CSNK1G3: variants seen among roughly 807,000 people sequenced by gnomAD.
CSNK1G3 encodes the protein casein kinase 1 gamma 3.
A neutral mutation model predicts 64.3 loss-of-function variants in CSNK1G3; 23 were observed. The observed-to-expected ratio is 0.36, with a 90% CI of 0.26 to 0.51. The LOEUF is 0.51. Ranked by LOEUF, CSNK1G3 falls within the 20% of genes least tolerant of loss-of-function variation. The probability of loss-of-function intolerance (pLI) is 0.96; values close to 1 mark genes in which losing one functional copy is unlikely to be tolerated. For missense variants in CSNK1G3, 357 were observed against 510.5 expected (o/e 0.70, Z 2.90); for synonymous variants, 158 against 162.2 (o/e 0.97, Z 0.20).
chr5:123,613,008 C>T (rs760716903), intron 12 of CSNK1G3, among the ~76,000 whole-genome samples: 2 of 152,034 alleles, frequency 1.3e-5, no homozygotes, highest in Non-Finnish European at 2.9e-5. Flanking sequence ...GTAAATTCAA[C>T]CTTAGGAAGG....
intron 1 of CSNK1G3, among the ~76,000 whole-genome samples, chr5:123,515,756 CCT>C: frequency 6.6e-6 from 1 of 151,956 alleles, no homozygotes; most frequent in East Asian, 1.9e-4. Flanking sequence ...TAATTATTCC[CCT>C]CTTAGTATTC....
intron 1 of CSNK1G3, among the ~76,000 whole-genome samples, chr5:123,544,870 A>G (rs1257377373): frequency 6.6e-6 from 1 of 152,148 alleles, no homozygotes; most frequent in Non-Finnish European, 1.5e-5. Flanking sequence ...AGGGGTGGGA[A>G]GAATGTTCTT....
intron 4 of CSNK1G3, among the ~76,000 whole-genome samples, chr5:123,565,105 A>G (rs1205816609): frequency 6.6e-6 from 1 of 152,232 alleles, no homozygotes; most frequent in African/African-American, 2.4e-5. Flanking sequence ...TATACTTTCC[A>G]AAACAGAAAA....
intron 10 of CSNK1G3, 139 bp from the exon 11 acceptor site, chr5:123,594,900 A>T: frequency 4.8e-6 from 3 of 621,030 alleles, no homozygotes; most frequent in Non-Finnish European, 8.3e-6. Flanking sequence ...ATACAAAGAT[A>T]ACTGCACCAT....
chr5:123,613,581 C>G lies in CSNK1G3; in HGVS notation c.1218-761C>G, dbSNP rs115092258. Reference sequence around the variant, plus strand: ...GTCTTGCTGTATTGTCCAGGCTGGTCTTGAATTCTTAAACTCCTGAGCTCA... The same window carrying G: ...GTCTTGCTGTATTGTCCAGGCTGGTGTTGAATTCTTAAACTCCTGAGCTCA... On this transcript the variant is annotated intron_variant, in intron 12 of 12. Transcript: ENST00000345990. Among the ~76,000 whole-genome samples, 1,433 of 151,804 alleles carry G rather than the reference C, an allele frequency of 9.4e-3. 27 individuals carry two copies. The highest frequency in any genetic ancestry group is 0.033 in the African/African-American group (1,352 of 41,378).
At chr5:123,516,501 T>TA (rs1777190417) in intron 1 of CSNK1G3, among the ~76,000 whole-genome samples, 1 of 152,180 alleles carries the variant, frequency 6.6e-6, no homozygotes, top group African/African-American at 2.4e-5. Context: ...TCCCTTCTAT[T>TA]ATGAAACCTA....
At chr5:123,534,360 G>T (rs1780459797) in intron 1 of CSNK1G3, among the ~76,000 whole-genome samples, 1 of 152,002 alleles carries the variant, frequency 6.6e-6, no homozygotes, top group African/African-American at 2.4e-5. Context: ...ATATAAAGAG[G>T]TCTGGAAGCA....
intron 12 of CSNK1G3, among the ~76,000 whole-genome samples, chr5:123,613,037 TA>T (rs1003673936): frequency 1.3e-5 from 2 of 152,194 alleles, no homozygotes; most frequent in African/African-American, 4.8e-5. Context: ...GTTTAAAGGT[TA>T]AAAGAAAAGG....
chr5:123,525,872 C>T (rs1400713383), intron 1 of CSNK1G3, among the ~76,000 whole-genome samples: 1 of 151,592 alleles, frequency 6.6e-6, no homozygotes, highest in Non-Finnish European at 1.5e-5. Flanking sequence ...GTGGCGGGCG[C>T]CTGTAGTCTC....
chr5:123,594,649 A>G lies in CSNK1G3; in HGVS notation c.1086+3235A>G, dbSNP rs1793080896. Among the ~76,000 whole-genome samples the G allele has an allele frequency of 2.0e-5, 3 of 152,150 alleles. No individual in the cohort carries two copies. In the South Asian group the frequency reaches 6.2e-4, roughly 32 times the overall value. ...GCTCCTCATCAGAAAACCAGTGATG[A>G]CATCTACTGTGTAAAAATATAGTGG... On this transcript the variant is annotated intron_variant, in intron 10 of 12. Transcript: ENST00000345990.
At chr5:123,513,525 A>G (rs1776621120) in intron 1 of CSNK1G3, among the ~76,000 whole-genome samples, 2 of 152,288 alleles carry the variant, frequency 1.3e-5, no homozygotes, top group South Asian at 4.1e-4. Flanking sequence ...GGCTCCTTTT[A>G]AATCTTCTAT....
chr5:123,535,074 C>T (rs181862842), intron 1 of CSNK1G3, among the ~76,000 whole-genome samples: 42 of 152,156 alleles, frequency 2.8e-4, no homozygotes, highest in East Asian at 1.2e-3. Flanking sequence ...TACGATGTAG[C>T]GGTAGGTTAT....
intron 1 of CSNK1G3, among the ~76,000 whole-genome samples, chr5:123,521,264 C>CCACAAGAT (rs1778042697): frequency 6.6e-6 from 1 of 152,028 alleles, no homozygotes; most frequent in Admixed American, 6.5e-5. Flanking sequence ...ATCTTTAAAT[C>CCACAAGAT]TTAAAGATGT....
At chr5:123,575,705 C>A (rs1561553519) in intron 5 of CSNK1G3, 24 bp from the exon 6 acceptor site, 1 of 1,508,500 alleles carries the variant, frequency 6.6e-7, no homozygotes, top group Admixed American at 1.7e-5. Flanking sequence ...AATAAAACTT[C>A]TCTTCTTTTT....
chr5:123,552,394 T>G (rs1440359130), intron 2 of CSNK1G3, among the ~76,000 whole-genome samples: 1 of 152,214 alleles, frequency 6.6e-6, no homozygotes, highest in Non-Finnish European at 1.5e-5. Flanking sequence ...TCCACCTGCC[T>G]CAGCCTCCCA....
intron 10 of CSNK1G3, among the ~76,000 whole-genome samples, chr5:123,603,156 A>G (rs2151133611): frequency 6.6e-6 from 1 of 152,236 alleles, no homozygotes; most frequent in South Asian, 2.1e-4. Context: ...ATCATTAGTA[A>G]CCTTTAAGAT....
At chr5:123,595,432 T>G (rs1295136301) in intron 10 of CSNK1G3, among the ~76,000 whole-genome samples, 1 of 152,252 alleles carries the variant, frequency 6.6e-6, no homozygotes, top group East Asian at 1.9e-4. Context: ...GGTATTAAAC[T>G]TGACTTTCCA....
At chr5:123,565,964 A>T (rs906821610) in intron 4 of CSNK1G3, among the ~76,000 whole-genome samples, 2 of 152,208 alleles carry the variant, frequency 1.3e-5, no homozygotes, top group African/African-American at 4.8e-5. Context: ...TTTAGAGGGG[A>T]CAACACCCAA....
intron 1 of CSNK1G3, among the ~76,000 whole-genome samples, chr5:123,514,881 T>A (rs921395541): frequency 1.3e-5 from 2 of 152,020 alleles, no homozygotes; most frequent in African/African-American, 4.8e-5. Flanking sequence ...AGCTTGTATT[T>A]AAAGATGAGT....
Sources: allele counts gnomAD v4.1 joint callset (sites outside exome capture counted in the v4.1 genomes callset), GRCh38; gene constraint gnomAD v4.1.1; transcripts MANE v1.5; gene names NCBI Gene and HGNC (gene_info 2026-07-23, HGNC 2026-07-21).